Variants in PLEKHA5 observed in about 807,000 individuals in gnomAD.
The protein encoded by PLEKHA5 is pleckstrin homology domain-containing family A member 5.
A neutral mutation model predicts 181.9 loss-of-function variants in PLEKHA5; 55 were observed. The ratio of observed to expected loss-of-function variants is 0.30; its 90% CI spans 0.24 to 0.38. The LOEUF (loss-of-function observed/expected upper bound fraction) is 0.38. Ranked by LOEUF, PLEKHA5 falls within the 10% of genes least tolerant of loss-of-function variation. The pLI is 1.00. For missense variants in PLEKHA5, 1,432 were observed against 1,549.5 expected, an observed-to-expected ratio of 0.92 and a Z score of 1.27; for synonymous variants, 535 against 529.4, an observed-to-expected ratio of 1.01 and a Z score of -0.15.
intron 11 of PLEKHA5, among the ~76,000 whole-genome samples, chr12:19,282,820 T>A (rs2076466832): frequency 6.6e-6 from 1 of 152,198 alleles, no homozygotes; most frequent in Non-Finnish European, 1.5e-5. Context: ...TATCTTGTAT[T>A]AAGTGTGTTA....
At chr12:19,350,632 G>A (rs1448789198) in intron 25 of PLEKHA5, among the ~76,000 whole-genome samples, 1 of 152,084 alleles carries the variant, frequency 6.6e-6, no homozygotes, top group Non-Finnish European at 1.5e-5. Flanking sequence ...AGCCAGGTGT[G>A]GTGGCGGGCA....
chr12:19,226,952 T>G (rs1214632209), intron 3 of PLEKHA5, among the ~76,000 whole-genome samples: 1 of 38,502 alleles, frequency 2.6e-5, no homozygotes, highest in African/African-American at 4.0e-5. Flanking sequence ...AATTTTTAAG[T>G]TTTTTTTTAC....
intron 3 of PLEKHA5, among the ~76,000 whole-genome samples, chr12:19,203,707 C>A (rs746767885): frequency 6.6e-6 from 1 of 152,110 alleles, no homozygotes; most frequent in Non-Finnish European, 1.5e-5. Context: ...TGTATATGTA[C>A]TCTTGCCTAG....
intron 3 of PLEKHA5, among the ~76,000 whole-genome samples, chr12:19,148,587 G>A (rs948731141): frequency 3.3e-5 from 5 of 152,186 alleles, no homozygotes; most frequent in Non-Finnish European, 1.5e-5. Context: ...GGCCTGGTTC[G>A]ATTCAAGTTA....
chr12:19,233,045 C>T (rs371553290), intron 3 of PLEKHA5, among the ~76,000 whole-genome samples: 2 of 151,964 alleles, frequency 1.3e-5, no homozygotes, highest in South Asian at 2.1e-4. Context: ...GCTGATTTAC[C>T]CCTTACCTGA....
chr12:19,296,386 A>G (rs1439777476), intron 15 of PLEKHA5, among the ~76,000 whole-genome samples: 1 of 152,050 alleles, frequency 6.6e-6, no homozygotes, highest in East Asian at 1.9e-4. Flanking sequence ...CATCTCTACT[A>G]AAAACACAAA....
chr12:19,240,926 T>C (rs2062447820), intron 3 of PLEKHA5, among the ~76,000 whole-genome samples: 1 of 152,208 alleles, frequency 6.6e-6, no homozygotes, highest in Admixed American at 6.5e-5. Flanking sequence ...GTATTCTTTT[T>C]AACCCGCTAA....
At chr12:19,193,417 A>G (rs2051738665) in intron 3 of PLEKHA5, among the ~76,000 whole-genome samples, 3 of 152,190 alleles carry the variant, frequency 2.0e-5, no homozygotes, top group Non-Finnish European at 1.5e-5. Flanking sequence ...TTAAATTTTT[A>G]ATCAATTTCT....
intron 15 of PLEKHA5, chr12:19,306,542 G>C (rs1488794035): frequency 1.3e-6 from 1 of 750,432 alleles, no homozygotes; most frequent in South Asian, 1.3e-5. Context: ...CGCGAGCAGC[G>C]CCGTGAGCAA....
intron 20 of PLEKHA5, among the ~76,000 whole-genome samples, 180 bp downstream of exon 20, chr12:19,322,847 G>C (rs1055911385): frequency 6.6e-6 from 1 of 151,750 alleles, no homozygotes; most frequent in Non-Finnish European, 1.5e-5. Context: ...TATTTAATTA[G>C]TGGGCATTCT....
At chr12:19,207,501 C>G (rs2055868187) in intron 3 of PLEKHA5, 1 of 152,092 alleles carries the variant, frequency 6.6e-6, no homozygotes, top group Admixed American at 6.5e-5. Context: ...TAACATCTAC[C>G]CATTAAGGAA....
chr12:19,145,127 G>A (rs1436506788), intron 3 of PLEKHA5, among the ~76,000 whole-genome samples: 1 of 152,116 alleles, frequency 6.6e-6, no homozygotes, highest in Non-Finnish European at 1.5e-5. Flanking sequence ...GTAGTGCCTT[G>A]GGTTATATGA....
rs192487075 is a variant in PLEKHA5 at position 19,257,670 on chromosome 12, C to T, written c.537+133C>T. 6 of 603,744 alleles carry T rather than the reference C, an allele frequency of 9.9e-6. No homozygotes were observed. In the Admixed American group the frequency reaches 1.7e-4, roughly 17 times the overall value. 37.4% of individuals were successfully genotyped at this position (603,744 alleles called of 1,614,324 possible). A position where few individuals can be genotyped will look rare whatever the true frequency, so the allele number is the denominator to read the frequency against. ...TGGAGAAGCCACCCAGGTTATTTGA[C>T]TGCTTGTTACCCCTGAAGAATATCA... On this transcript the variant is annotated intron_variant, in intron 6 of 31. Transcript: ENST00000429027.
intron 3 of PLEKHA5, among the ~76,000 whole-genome samples, chr12:19,244,834 C>T (rs2063360321): frequency 6.6e-6 from 1 of 152,108 alleles, no homozygotes; most frequent in South Asian, 2.1e-4. Flanking sequence ...TAATGGATCA[C>T]TCAGAAGAAT....
intron 21 of PLEKHA5, among the ~76,000 whole-genome samples, chr12:19,338,436 G>A (rs914869809): frequency 2.6e-5 from 4 of 151,890 alleles, no homozygotes; most frequent in Non-Finnish European, 4.4e-5. Flanking sequence ...CCTGGCCAAC[G>A]CAGTGAAACC....
At chr12:19,202,882 C>T (rs1264696157) in intron 3 of PLEKHA5, among the ~76,000 whole-genome samples, 1 of 152,058 alleles carries the variant, frequency 6.6e-6, no homozygotes, top group East Asian at 1.9e-4. Context: ...GACAAATGCA[C>T]TAAAACTGTA....
intron 3 of PLEKHA5, chr12:19,243,399 G>A (rs1056551162): frequency 6.6e-6 from 1 of 152,150 alleles, no homozygotes; most frequent in Non-Finnish European, 1.5e-5. Flanking sequence ...TACCTCAAAT[G>A]GGCTCTGTGA....
At chr12:19,222,374 C>T (rs2059087569) in intron 3 of PLEKHA5, among the ~76,000 whole-genome samples, 1 of 151,944 alleles carries the variant, frequency 6.6e-6, no homozygotes, top group Non-Finnish European at 1.5e-5. Flanking sequence ...GTACAGTTTC[C>T]CTTTGCAAAT....
intron 15 of PLEKHA5, among the ~76,000 whole-genome samples, chr12:19,309,454 A>T (rs377477443): frequency 5.3e-5 from 8 of 152,162 alleles, no homozygotes; most frequent in African/African-American, 1.4e-4. Flanking sequence ...TGACCTTCAT[A>T]TGCTTTTAAA....
Sources: gnomAD v4.1 joint callset for allele counts (sites outside exome capture counted in the v4.1 genomes callset) on GRCh38, gnomAD v4.1.1 for gene constraint, MANE v1.5 for transcripts, NCBI Gene and HGNC (gene_info 2026-07-23, HGNC 2026-07-21) for gene names.